Variants in CDK14 observed in about 807,000 individuals in gnomAD.
The protein encoded by CDK14 is cyclin dependent kinase 14.
CDK14 carries 34 observed loss-of-function variants against 60.7 expected under a neutral mutation model. The ratio of observed to expected loss-of-function variants is 0.56; its 90% CI spans 0.43 to 0.75. The LOEUF (loss-of-function observed/expected upper bound fraction) is 0.75. Ranked by LOEUF, CDK14 falls within the 30% of genes least tolerant of loss-of-function variation. The pLI is 0.00. For missense variants in CDK14, 482 were observed against 564.1 expected, an observed-to-expected ratio of 0.85 and a Z score of 1.47; for synonymous variants, 197 against 203.7, an observed-to-expected ratio of 0.97 and a Z score of 0.28.
chr7:90,783,640 A>G (rs1345097381), intron 4 of CDK14, among the ~76,000 whole-genome samples: 2 of 152,224 alleles, frequency 1.3e-5, no homozygotes, highest in East Asian at 3.8e-4. Flanking sequence ...ATTTCTCAAA[A>G]GAAGAGATAT....
At chr7:91,135,088 T>G (rs1442476941) in intron 14 of CDK14, among the ~76,000 whole-genome samples, 2 of 152,118 alleles carry the variant, frequency 1.3e-5, no homozygotes, top group African/African-American at 2.4e-5. Flanking sequence ...ATGCAGTGCT[T>G]CATTATTCAG....
intron 7 of CDK14, among the ~76,000 whole-genome samples, chr7:90,909,565 A>G (rs976029870): frequency 1.3e-5 from 2 of 151,934 alleles, no homozygotes; most frequent in Non-Finnish European, 2.9e-5. Flanking sequence ...TTGACTTATT[A>G]TAAGTCTCCT....
intron 5 of CDK14, among the ~76,000 whole-genome samples, chr7:90,835,422 C>G (rs1790061858): frequency 6.6e-6 from 1 of 152,024 alleles, no homozygotes; most frequent in South Asian, 2.1e-4. Context: ...CAGATAATTG[C>G]TGGAAGGAAG....
chr7:91,106,517 A>G (rs1477086096), intron 12 of CDK14, among the ~76,000 whole-genome samples: 1 of 152,212 alleles, frequency 6.6e-6, no homozygotes, highest in Non-Finnish European at 1.5e-5. Context: ...ATAAAATAAT[A>G]ACAGTAACAG....
In CDK14 at chr7:90,966,262, T is replaced by G. The variant is rs553723554; in HGVS notation, c.947+10445T>G. On this transcript the variant is annotated intron_variant, in intron 9 of 14. Coordinates refer to ENST00000380050, the MANE Select transcript of CDK14 (RefSeq NM_001287135.2). ...TTCCATATATAAAATTGTTCTTGCTTCCTTTCCTTCTGATCTGTATTTCTT... is the reference window on the plus strand; with the variant it reads ...TTCCATATATAAAATTGTTCTTGCTGCCTTTCCTTCTGATCTGTATTTCTT... Among the ~76,000 whole-genome samples, 5 of 152,320 alleles carry G rather than the reference T, an allele frequency of 3.3e-5. No homozygotes were observed. The South Asian group carries it at 1.0e-3, about 32-fold the overall frequency.
chr7:90,977,107 G>GATTTTT lies in CDK14; in HGVS notation c.948-7041_948-7040insATTTTT, dbSNP rs573523480. On this transcript the variant is annotated intron_variant, in intron 9 of 14. Coordinates refer to ENST00000380050, the MANE Select transcript of CDK14 (RefSeq NM_001287135.2). Reference sequence around the variant, plus strand: ...CTTTAATTCATTTTGAGGTGATTTTGTCTAAGGTGAAGCGTGGGAATCTAG... The same window carrying GATTTTT: ...CTTTAATTCATTTTGAGGTGATTTTGATTTTTTCTAAGGTGAAGCGTGGGAATCTAG... Among the ~76,000 whole-genome samples the GATTTTT allele has an allele frequency of 2.0e-4, 31 of 152,206 alleles. No individual in the cohort carries two copies. In the East Asian group the frequency reaches 6.0e-3, roughly 29 times the overall value.
chr7:90,859,797 A>G (rs1005774373), intron 5 of CDK14, among the ~76,000 whole-genome samples: 5 of 152,192 alleles, frequency 3.3e-5, no homozygotes, highest in Admixed American at 6.5e-5. Flanking sequence ...CTTTAAAGAT[A>G]TGGCCTTGCT....
chr7:90,667,085 A>G (rs1800996156), intron 2 of CDK14, among the ~76,000 whole-genome samples: 1 of 152,190 alleles, frequency 6.6e-6, no homozygotes. Flanking sequence ...TGCACATAAT[A>G]GGTATAAATA....
At chr7:90,623,553 GT>G (rs1204837017) in intron 2 of CDK14, among the ~76,000 whole-genome samples, 2 of 152,044 alleles carry the variant, frequency 1.3e-5, no homozygotes, top group African/African-American at 2.4e-5. Context: ...GGTATTAGTT[GT>G]TTTTTTAAGT....
At chr7:90,781,860 A>C (rs1347825473) in intron 4 of CDK14, among the ~76,000 whole-genome samples, 3 of 152,154 alleles carry the variant, frequency 2.0e-5, no homozygotes, top group Non-Finnish European at 4.4e-5. Context: ...TGATGCCTCC[A>C]GCTTTGTTCT....
rs529774126 is a variant in CDK14, at chr7:90,923,419, T to C, written c.826+5695T>C. Among the ~76,000 whole-genome samples, 9 of 152,294 alleles carry C rather than the reference T, an allele frequency of 5.9e-5. No individual in the cohort carries two copies. In the South Asian group the frequency reaches 1.9e-3, roughly 32 times the overall value. On this transcript the variant is annotated intron_variant, in intron 8 of 14. Coordinates refer to ENST00000380050, the MANE Select transcript of CDK14 (RefSeq NM_001287135.2). ...CCACCATGCCTGGCCCAACATCTTT[T>C]TAAAAACTCATATAGTTTTTTTAAG...
chr7:90,777,909 A>G (rs1281734348), intron 4 of CDK14, among the ~76,000 whole-genome samples: 4 of 152,132 alleles, frequency 2.6e-5, no homozygotes, highest in African/African-American at 9.7e-5. Flanking sequence ...ATGTTTCTTA[A>G]TGTGTGCCCC....
chr7:90,773,654 G>A (rs1386797037), intron 4 of CDK14, among the ~76,000 whole-genome samples: 1 of 152,136 alleles, frequency 6.6e-6, no homozygotes, highest in East Asian at 1.9e-4. Flanking sequence ...TTAAAGGTGT[G>A]AGCCACCTCG....
At chr7:91,072,067 G>T (rs1182435153) in intron 11 of CDK14, among the ~76,000 whole-genome samples, 1 of 152,222 alleles carries the variant, frequency 6.6e-6, no homozygotes, top group Admixed American at 6.5e-5. Context: ...CTGCAGACCA[G>T]CAGACTTAGT....
intron 5 of CDK14, among the ~76,000 whole-genome samples, chr7:90,841,030 A>G (rs1192115300): frequency 6.6e-6 from 1 of 152,218 alleles, no homozygotes; most frequent in Non-Finnish European, 1.5e-5. Flanking sequence ...GAGGGAAGGT[A>G]TCAAACTGGT....
chr7:90,613,758 C>CT (rs1799592880), intron 2 of CDK14, among the ~76,000 whole-genome samples: 1 of 152,130 alleles, frequency 6.6e-6, no homozygotes. Context: ...CCTAACTACT[C>CT]TATTTTCTTC....
chr7:91,190,238 G>T (rs1290218330), intron 14 of CDK14, among the ~76,000 whole-genome samples: 1 of 152,122 alleles, frequency 6.6e-6, no homozygotes, highest in African/African-American at 2.4e-5. Flanking sequence ...TGCTTCCTCA[G>T]TCACCTTGGA....
intron 2 of CDK14, among the ~76,000 whole-genome samples, chr7:90,642,267 A>G (rs929568986): frequency 3.9e-5 from 6 of 152,252 alleles, no homozygotes; most frequent in African/African-American, 1.4e-4. Context: ...GCATTCTCAA[A>G]TACACATGTG....
intron 1 of CDK14, among the ~76,000 whole-genome samples, chr7:90,598,584 C>T (rs561076784): frequency 6.0e-4 from 92 of 152,122 alleles, no homozygotes; most frequent in African/African-American, 1.9e-3. Flanking sequence ...TAGTTGTATA[C>T]CAAGCCAACG....
Sources: allele counts gnomAD v4.1 joint callset (sites outside exome capture counted in the v4.1 genomes callset), GRCh38; gene constraint gnomAD v4.1.1; transcripts MANE v1.5; gene names NCBI Gene and HGNC (gene_info 2026-07-23, HGNC 2026-07-21).